The following ST3GAL6 variants were observed in gnomAD, a reference collection of about 807,000 sequenced individuals.
ST3GAL6 encodes the protein type 2 lactosamine alpha-2,3-sialyltransferase.
Under a neutral mutation model 40.5 loss-of-function variants are expected in ST3GAL6, and 31 were observed. The observed-to-expected ratio is 0.77, with a 90% CI of 0.58 to 1.03. The LOEUF (loss-of-function observed/expected upper bound fraction) is 1.03. ST3GAL6 is among the 50% of genes least tolerant of loss of function. The pLI is 0.00. For missense variants in ST3GAL6, 357 were observed against 393.2 expected, an observed-to-expected ratio of 0.91 and a Z score of 0.78; for synonymous variants, 129 against 136.9, an observed-to-expected ratio of 0.94 and a Z score of 0.40.
intron 5 of ST3GAL6, chr3:98,783,755 G>C (rs1309951932): frequency 1.1e-6 from 1 of 890,602 alleles, no homozygotes; most frequent in African/African-American, 1.8e-5. Context: ...TATTTTTCTT[G>C]ACTGATTAGG....
chr3:98,788,078 GAGA>G lies in ST3GAL6; in HGVS notation c.477_479del (p.Arg160del), dbSNP rs1433889654. The G allele has an allele frequency of 3.7e-6, 6 of 1,613,950 alleles. No individual in the cohort carries two copies. The highest frequency in any genetic ancestry group is 5.1e-6 in the Non-Finnish European group (6 of 1,179,924). ...TTTTAGGACATGAAGAAGAAGTTGG[GAGA>G]AGGACAACCTTCCGACTTTTTTATC... On this transcript the variant is annotated inframe_deletion, in exon 7 of 10. Transcript: ENST00000483910.
intron 1 of ST3GAL6, chr3:98,733,031 C>T: frequency 1.4e-6 from 2 of 1,430,326 alleles, no homozygotes; most frequent in Non-Finnish European, 1.8e-6. Flanking sequence ...ATTGGGGGTG[C>T]GGGAAGACCG....
Position 98,791,977 on chromosome 3 carries a change from T to C in ST3GAL6, c.893T>C (p.Met298Thr), listed in dbSNP as rs1390152886. 1.2e-6 allele frequency: 2 copies of C among 1,613,472 alleles called. No individual in the cohort carries two copies. Among genetic ancestry groups the C allele is most frequent in the Non-Finnish European group, 8.5e-7 (1 of 1,179,668 alleles). The change falls in exon 9 of 10, where the codon ATG becomes ACG. Residue 298 changes from methionine (M) to threonine (T), a missense_variant. Met to Thr is a moderately conservative substitution (Grantham distance 81). Transcript: ENST00000483910. ...SPLHYYGNAT[M>T]SLMNKNAYHN... Reference sequence around the variant, plus strand: ...TTGCACTACTATGGGAATGCCACCATGTCTTTGATGAATAAGGTAATATAC... The same window carrying C: ...TTGCACTACTATGGGAATGCCACCACGTCTTTGATGAATAAGGTAATATAC...
upstream of ST3GAL6, among the ~76,000 whole-genome samples, chr3:98,760,997 A>G (rs974195445): frequency 6.6e-6 from 1 of 152,226 alleles, no homozygotes; most frequent in South Asian, 2.1e-4. Flanking sequence ...TTCAATTTAT[A>G]TGAAATTTTA....
chr3:98,763,812 A>G (rs550167836), intron 1 of ST3GAL6, among the ~76,000 whole-genome samples: 2 of 152,086 alleles, frequency 1.3e-5, no homozygotes, highest in East Asian at 3.9e-4. Flanking sequence ...CAGACGTTGG[A>G]AAAGTGTGGT....
At chr3:98,748,346 G>A (rs1348041821) in intron 1 of ST3GAL6, among the ~76,000 whole-genome samples, 1 of 152,314 alleles carries the variant, frequency 6.6e-6, no homozygotes, top group East Asian at 1.9e-4. Context: ...TGTAGAGTCA[G>A]AATAGTAGTG....
intron 1 of ST3GAL6, among the ~76,000 whole-genome samples, chr3:98,735,429 G>A (rs946399083): frequency 5.9e-5 from 9 of 152,132 alleles, no homozygotes; most frequent in African/African-American, 1.2e-4. Flanking sequence ...TGCCTTCCTT[G>A]TGACAGCTTT....
chr3:98,790,786 C>T (rs1043257371), intron 8 of ST3GAL6, among the ~76,000 whole-genome samples: 2 of 151,634 alleles, frequency 1.3e-5, no homozygotes, highest in East Asian at 1.9e-4. Context: ...GTTATAAAGA[C>T]GGATGAAGGA....
chr3:98,777,087 G>T (rs1306651384), intron 5 of ST3GAL6, among the ~76,000 whole-genome samples: 1 of 152,160 alleles, frequency 6.6e-6, no homozygotes, highest in Non-Finnish European at 1.5e-5. Context: ...TGTTCCTTCT[G>T]GTCTGGTATG....
At chr3:98,744,766 C>G (rs907591218) in intron 1 of ST3GAL6, among the ~76,000 whole-genome samples, 2 of 151,820 alleles carry the variant, frequency 1.3e-5, no homozygotes, top group Admixed American at 1.3e-4. Flanking sequence ...AAAAAAAAAT[C>G]AGCTCACTTT....
At chr3:98,736,454 G>T (rs1238870771) in intron 1 of ST3GAL6, among the ~76,000 whole-genome samples, 1 of 152,188 alleles carries the variant, frequency 6.6e-6, no homozygotes, top group African/African-American at 2.4e-5. Flanking sequence ...GAGACGGCAA[G>T]GAAGCTGGAG....
At chr3:98,771,234 A>C in intron 3 of ST3GAL6, 1 of 1,143,188 alleles carries the variant, frequency 8.7e-7, no homozygotes, top group Non-Finnish European at 1.2e-6. Flanking sequence ...TAAAAAAGCG[A>C]ATTGTTCTTT....
rs377525703 is a variant in ST3GAL6 at position 98,793,774 on chromosome 3, A to C, written c.*13A>C. On this transcript the variant is annotated 3_prime_UTR_variant, in exon 10 of 10. Transcript: ENST00000483910. ...GACTCAAGATTGACTCTACAGACTC[A>C]GAAGATGATGCTAACAGTGTTAGTT... 19 of 1,522,078 alleles carry C rather than the reference A, an allele frequency of 1.2e-5. No homozygotes were observed. In the African/African-American group the frequency reaches 2.4e-4, roughly 19 times the overall value. The allele number at this position is 1,522,078 out of a possible 1,614,324, so 94.3% of individuals were successfully genotyped here.
intron 5 of ST3GAL6, among the ~76,000 whole-genome samples, chr3:98,784,220 C>A (rs113142989): frequency 5.9e-5 from 9 of 152,216 alleles, no homozygotes; most frequent in African/African-American, 2.2e-4. Flanking sequence ...TTTCTCCAGG[C>A]CTGCCTGGGT....
intron 1 of ST3GAL6, among the ~76,000 whole-genome samples, chr3:98,738,988 T>C (rs1267429061): frequency 6.6e-6 from 1 of 151,904 alleles, no homozygotes; most frequent in Non-Finnish European, 1.5e-5. Context: ...AAAACCAAAA[T>C]CATACCAACC....
chr3:98,786,985 T>TGTGTG (rs397972206), intron 6 of ST3GAL6, among the ~76,000 whole-genome samples: 2 of 146,092 alleles, frequency 1.4e-5, no homozygotes, highest in African/African-American at 2.5e-5. Flanking sequence ...TGTGTGTGTG[T>TGTGTG]TAGGAGTAGC....
At chr3:98,783,303 A>C (rs13060012) in intron 5 of ST3GAL6, 65,101 of 152,040 alleles carry the variant, frequency 0.43, 14,114 homozygotes, top group Non-Finnish European at 0.45. Context: ...CCCCCACCCC[A>C]CAACCCGCTT....
intron 1 of ST3GAL6, among the ~76,000 whole-genome samples, chr3:98,757,433 A>G (rs1559731550): frequency 6.6e-6 from 1 of 152,194 alleles, no homozygotes; most frequent in African/African-American, 2.4e-5. Context: ...ACTCTTGAGG[A>G]CCTGAATCAA....
chr3:98,782,852 T>C (rs1047648197), intron 5 of ST3GAL6: 9 of 480,404 alleles, frequency 1.9e-5, no homozygotes, highest in African/African-American at 1.8e-4. Flanking sequence ...TTTCCTGATT[T>C]TGCAGGAAAT....
Sources: allele counts gnomAD v4.1 joint callset (sites outside exome capture counted in the v4.1 genomes callset), GRCh38; gene constraint gnomAD v4.1.1; transcripts MANE v1.5; gene names NCBI Gene and HGNC (gene_info 2026-07-23, HGNC 2026-07-21).